SLIT3: variants seen among roughly 807,000 people sequenced by gnomAD.
The protein encoded by SLIT3 is slit guidance ligand 3.
In SLIT3, 68 loss-of-function variants were observed where a neutral mutation model predicts 184.0. The observed-to-expected ratio is 0.37, with a 90% CI of 0.30 to 0.45. The LOEUF (loss-of-function observed/expected upper bound fraction) is 0.45, where lower values mean the gene tolerates loss of function less well. Ranked by LOEUF, SLIT3 falls within the 20% of genes least tolerant of loss-of-function variation. The pLI is 1.00. For missense variants in SLIT3, 1,707 were observed against 2,026.0 expected (o/e 0.84, Z 3.02); for synonymous variants, 831 against 828.6 (o/e 1.00, Z -0.05).
intron 3 of SLIT3, among the ~76,000 whole-genome samples, chr5:169,228,533 A>G (rs1030536406): frequency 6.6e-6 from 1 of 152,236 alleles, no homozygotes; most frequent in Admixed American, 6.5e-5. Context: ...TTGCTTTAAT[A>G]CATTTAACAT....
At chr5:169,103,673 G>A (rs1488243620) in intron 4 of SLIT3, among the ~76,000 whole-genome samples, 2 of 152,218 alleles carry the variant, frequency 1.3e-5, no homozygotes, top group Non-Finnish European at 2.9e-5. Context: ...TAGGTCCAGG[G>A]TGGAACTGCT....
chr5:169,104,590 A>C (rs1760134963), intron 4 of SLIT3, among the ~76,000 whole-genome samples: 1 of 152,148 alleles, frequency 6.6e-6, no homozygotes, highest in Non-Finnish European at 1.5e-5. Flanking sequence ...CTCCTTGGAA[A>C]CTGAGCACAG....
intron 3 of SLIT3, among the ~76,000 whole-genome samples, chr5:169,226,853 G>A (rs769475800): frequency 1.1e-4 from 16 of 152,124 alleles, no homozygotes; most frequent in South Asian, 2.1e-4. Context: ...TCACTTCTAC[G>A]TTTTACAATG....
intron 3 of SLIT3, among the ~76,000 whole-genome samples, chr5:169,213,671 A>T (rs1042190211): frequency 6.6e-6 from 1 of 152,176 alleles, no homozygotes; most frequent in Non-Finnish European, 1.5e-5. Flanking sequence ...CCAAGTGATG[A>T]TCTGACCTAT....
At chr5:169,145,688 G>A (rs998375235) in intron 4 of SLIT3, among the ~76,000 whole-genome samples, 30 of 152,108 alleles carry the variant, frequency 2.0e-4, no homozygotes, top group South Asian at 2.1e-4. Context: ...GCCAGCTTCT[G>A]GGCTCTGGAA....
intron 11 of SLIT3, 130 bp downstream of exon 11, chr5:168,789,430 C>T: frequency 1.6e-6 from 1 of 627,080 alleles, no homozygotes; most frequent in Non-Finnish European, 2.8e-6. Context: ...GTTTCTTTTA[C>T]CAGGTTGCCA....
intron 4 of SLIT3, among the ~76,000 whole-genome samples, chr5:169,098,305 G>A (rs984079629): frequency 2.0e-5 from 3 of 152,114 alleles, no homozygotes; most frequent in Non-Finnish European, 4.4e-5. Context: ...AATCACACAC[G>A]TGTGTGTATA....
At chr5:168,762,486 G>C in intron 15 of SLIT3, 53 bp downstream of exon 15, 1 of 1,584,962 alleles carries the variant, frequency 6.3e-7, no homozygotes, top group Non-Finnish European at 8.6e-7. Context: ...CGCTGGCTCC[G>C]GGTGACTGGC....
intron 4 of SLIT3, among the ~76,000 whole-genome samples, chr5:169,019,749 C>A (rs1350222033): frequency 6.6e-6 from 1 of 152,226 alleles, no homozygotes; most frequent in Non-Finnish European, 1.5e-5. Context: ...TAAATGTCCT[C>A]TTCCTATAGC....
In SLIT3 at chr5:169,207,329, C is replaced by T. The variant is rs1044755451; in HGVS notation, c.342-13779G>A. Among the ~76,000 whole-genome samples the T allele has an allele frequency of 2.0e-5, 3 of 149,824 alleles. No homozygotes were observed. In the Admixed American group the frequency reaches 2.0e-4, roughly 10 times the overall value. On this transcript the variant is annotated intron_variant, in intron 3 of 35. Coordinates refer to ENST00000519560, the MANE Select transcript of SLIT3 (RefSeq NM_003062.4). ...CACAAATAGATTCCAGGTGTGTTGG[C>T]CTCTGGACCACTATCTTTCTCTGTT...
intron 9 of SLIT3, among the ~76,000 whole-genome samples, chr5:168,798,484 A>G (rs1581094271): frequency 6.6e-6 from 1 of 152,044 alleles, no homozygotes; most frequent in Non-Finnish European, 1.5e-5. Context: ...CTGCCTCAGC[A>G]TCCCAAAGTG....
chr5:168,823,753 G>A (rs886336968), intron 6 of SLIT3, among the ~76,000 whole-genome samples: 3 of 152,152 alleles, frequency 2.0e-5, no homozygotes, highest in African/African-American at 7.2e-5. Flanking sequence ...TATTATGGAT[G>A]AGGAGGCTGA....
intron 1 of SLIT3, chr5:169,263,649 T>C (rs1314043039): frequency 2.0e-6 from 1 of 502,622 alleles, no homozygotes; most frequent in Non-Finnish European, 4.0e-6. Flanking sequence ...TCAGGCTTTC[T>C]CTGGGCGTAT....
At chr5:169,104,847 T>G (rs1035007414) in intron 4 of SLIT3, among the ~76,000 whole-genome samples, 1 of 152,150 alleles carries the variant, frequency 6.6e-6, no homozygotes, top group Non-Finnish European at 1.5e-5. Flanking sequence ...GATTTATCAG[T>G]TTTTAGGAGC....
intron 1 of SLIT3, among the ~76,000 whole-genome samples, chr5:169,287,303 A>C (rs867795638): frequency 6.6e-6 from 1 of 152,044 alleles, no homozygotes; most frequent in Admixed American, 6.5e-5. Flanking sequence ...TGGTGCTGAG[A>C]GCCCTCAGGA....
rs907008492 is a variant in SLIT3, at chr5:168,755,524, C to T, written c.1686-1517G>A. Among the ~76,000 whole-genome samples, 4 of 151,330 alleles carry T rather than the reference C, an allele frequency of 2.6e-5. No individual in the cohort carries two copies. The East Asian group carries it at 7.9e-4, about 30-fold the overall frequency. The stretch of plus-strand genomic sequence containing the variant: ...ATCTTGGCTCACTGCAGCCTCTGCC[C>T]CCAGGGTTCAAGTGATTCTCCTGCC... On this transcript the variant is annotated intron_variant, in intron 16 of 35. Coordinates refer to ENST00000519560, the MANE Select transcript of SLIT3 (RefSeq NM_003062.4).
rs75166273 is a variant in SLIT3 at position 169,083,930 on chromosome 5, T to C, written c.413+109549A>G. On this transcript the variant is annotated intron_variant, in intron 4 of 35. Transcript: ENST00000519560. ...CTCTGCTTGCCTTTCTTAGTAAACC[T>C]GCTCTCTCACAAGCCCTGTACCTCA... Among the ~76,000 whole-genome samples, 563 of 152,308 alleles carry C rather than the reference T, an allele frequency of 3.7e-3. 4 individuals carry two copies. The highest frequency in any genetic ancestry group is 0.013 in the African/African-American group (531 of 41,576).
chr5:169,097,888 A>G (rs1268167839), intron 4 of SLIT3, among the ~76,000 whole-genome samples: 1 of 152,202 alleles, frequency 6.6e-6, no homozygotes, highest in Non-Finnish European at 1.5e-5. Flanking sequence ...ATGCCAACTG[A>G]AAAGCTGAGA....
chr5:168,904,481 A>G (rs1424717131), intron 4 of SLIT3, among the ~76,000 whole-genome samples: 4 of 97,930 alleles, frequency 4.1e-5, no homozygotes, highest in Non-Finnish European at 9.4e-5. Context: ...ATCTTACTTT[A>G]GAAATAACAA....
Sources: allele counts gnomAD v4.1 joint callset (sites outside exome capture counted in the v4.1 genomes callset), GRCh38; gene constraint gnomAD v4.1.1; transcripts MANE v1.5; gene names NCBI Gene and HGNC (gene_info 2026-07-23, HGNC 2026-07-21).